SNX17: variants seen among roughly 807,000 people sequenced by gnomAD.
SNX17 encodes the protein sorting nexin-17.
SNX17 carries 35 observed loss-of-function variants against 64.3 expected under a neutral mutation model. The ratio of observed to expected loss-of-function variants is 0.54; its 90% CI spans 0.42 to 0.72. The LOEUF is 0.72. SNX17 is among the 30% of genes least tolerant of loss of function. The pLI, the probability that SNX17 is intolerant of heterozygous loss-of-function variation, is 0.00. For missense variants in SNX17, 538 were observed against 610.0 expected, an observed-to-expected ratio of 0.88 and a Z score of 1.24; for synonymous variants, 259 against 230.2, an observed-to-expected ratio of 1.13 and a Z score of -1.13.
At position 27,370,681 on chromosome 2, in the gene SNX17, G is replaced by C. The variant is rs909207502; in HGVS notation, c.-63G>C. ...GGGGACTCGCTGAGCAGCGGAGGGG[G>C]AGCGTGCAGAGCCGCTGCGGCCCTC... On this transcript the variant is annotated 5_prime_UTR_variant, in exon 1 of 15. Transcript: ENST00000233575. The C allele has an allele frequency of 2.7e-6, 4 of 1,496,394 alleles. No homozygotes were observed. The highest frequency in any genetic ancestry group is 9.0e-7 in the Non-Finnish European group (1 of 1,116,522). 92.7% of individuals were successfully genotyped at this position (1,496,394 alleles called of 1,614,324 possible). A position where few individuals can be genotyped will look rare whatever the true frequency, so the allele number is the denominator to read the frequency against.
At chr2:27,374,588 C>A in intron 7 of SNX17, 101 bp from the exon 8 acceptor site, 1 of 1,305,634 alleles carries the variant, frequency 7.7e-7, no homozygotes, top group Non-Finnish European at 1.1e-6. Flanking sequence ...CCATTAGCCC[C>A]TGATAGTTCC....
In SNX17 at chr2:27,375,597, T is replaced by C; in HGVS notation, c.866T>C (p.Val289Ala). 1 of 1,614,122 alleles carries C rather than the reference T, an allele frequency of 6.2e-7. No individual in the cohort carries two copies. Among genetic ancestry groups the C allele is most frequent in the Non-Finnish European group, 8.5e-7 (1 of 1,180,008 alleles). The stretch of plus-strand genomic sequence containing the variant: ...TTCCCAGAAAAGGACTGTCCTGTGG[T>C]GGTGAGCGCGGGCAACAGTGAGCTC... ...ADFPEKDCPV[V>A]VSAGNSELSL... Residue 289 changes from valine (V) to alanine (A), a missense_variant, in exon 10 of 15, where the codon GTG becomes GCG. Coordinates refer to ENST00000233575, the MANE Select transcript of SNX17 (RefSeq NM_014748.4). This position sits in a 1 kb window ranked among gnomAD's most constrained non-coding sequence, Gnocchi z 4.1.
chr2:27,372,927 T>C (rs1032027352), intron 3 of SNX17, 187 bp downstream of exon 3: 1 of 1,271,316 alleles, frequency 7.9e-7, no homozygotes, highest in Non-Finnish European at 1.1e-6. Context: ...GCAAAACAAT[T>C]TGGGCACTAA....
At chr2:27,370,854 CG>C (rs1192154715) in intron 1 of SNX17, 48 bp downstream of exon 1, 1 of 1,520,734 alleles carries the variant, frequency 6.6e-7, no homozygotes, top group African/African-American at 1.4e-5. Flanking sequence ...GCGGGGATAA[CG>C]GGCCCGAGCC....
chr2:27,374,274 A>C, intron 6 of SNX17, 72 bp from the exon 7 acceptor site: 4 of 1,499,776 alleles, frequency 2.7e-6, no homozygotes, highest in Non-Finnish European at 3.7e-6. Context: ...ACATTGCCTC[A>C]GGGCACTTCT....
chr2:27,370,956 A>ATG (rs1351357397), intron 1 of SNX17, 150 bp downstream of exon 1: 7 of 928,608 alleles, frequency 7.5e-6, no homozygotes, highest in Non-Finnish European at 9.4e-6. Context: ...AGCTTATCTC[A>ATG]TGTGTGTGAT....
chr2:27,375,892 G>C lies in SNX17; in HGVS notation c.1025G>C (p.Gly342Ala), dbSNP rs139268412. The C allele has an allele frequency of 3.0e-4, 479 of 1,614,188 alleles. 2 individuals carry two copies. The African/African-American group carries it at 5.4e-3, about 18-fold the overall frequency. Residue 342 changes from glycine to alanine, a missense_variant, in exon 11 of 15, where the codon GGT becomes GCT. Gly to Ala is a moderately conservative substitution (Grantham distance 60). Transcript: ENST00000233575. This position sits in a 1 kb window ranked among gnomAD's most constrained non-coding sequence, Gnocchi z 4.1. ...GSTSSPGRGR[G>A]EVRLELAFEY... ...ACGAGCAGCCCAGGCCGGGGCCGGG[G>C]TGAGGTGCGCCTGGAACTGGCTTTT... is the stretch of plus-strand genomic sequence containing the variant.
At chr2:27,372,495 CAGGG>C (rs1193203624) in intron 2 of SNX17, 124 bp from the exon 3 acceptor site, 38 of 1,314,036 alleles carry the variant, frequency 2.9e-5, no homozygotes, top group Non-Finnish European at 3.7e-5. Flanking sequence ...CTCAGATGAC[CAGGG>C]TAGACAGGGG....
rs186132405 is a variant in SNX17 at position 27,373,743 on chromosome 2, C to T, written c.322-118C>T. On this transcript the variant is annotated intron_variant, in intron 4 of 14. Transcript: ENST00000233575. ...TATTCTTATGAAATCAAAGAAATCA[C>T]AGCCTATATTTAAGCAGCTGAGAAT... is the stretch of plus-strand genomic sequence containing the variant. The T allele has an allele frequency of 1.5e-3, 1,017 of 688,568 alleles. 3 individuals are homozygous for T. The highest frequency in any genetic ancestry group is 2.2e-3 in the Non-Finnish European group (858 of 390,272). 42.7% of individuals were successfully genotyped at this position (688,568 alleles called of 1,614,324 possible). A position where few individuals can be genotyped will look rare whatever the true frequency, so the allele number is the denominator to read the frequency against.
Position 27,370,707 on chromosome 2 carries a change from A to ACAGTCCGGG in SNX17, c.-29_-28insGCAGTCCGG. The ACAGTCCGGG allele has an allele frequency of 6.5e-7, 1 of 1,527,592 alleles. No homozygotes were observed. Among genetic ancestry groups the ACAGTCCGGG allele is most frequent in the Admixed American group, 2.0e-5 (1 of 49,326 alleles). 94.6% of individuals were successfully genotyped at this position (1,527,592 alleles called of 1,614,324 possible). ...AGCGTGCAGAGCCGCTGCGGCCCTC[A>ACAGTCCGGG]CAGTCCGGAGCCCGGCCGTGCCGTG... On this transcript the variant is annotated 5_prime_UTR_variant, in exon 1 of 15. Coordinates refer to ENST00000233575, the MANE Select transcript of SNX17 (RefSeq NM_014748.4).
chr2:27,374,773 GCCTCAGAACCCTTC>G lies in SNX17; in HGVS notation c.681+18_681+31del. 2 of 1,612,592 alleles carry G rather than the reference GCCTCAGAACCCTTC, an allele frequency of 1.2e-6. No homozygotes were observed. Among genetic ancestry groups the G allele is most frequent in the Non-Finnish European group, 1.7e-6 (2 of 1,178,630 alleles). The stretch of plus-strand genomic sequence containing the variant: ...TTTATGCTCAGGTGAGCTTGGAGCT[GCCTCAGAACCCTTC>G]CCCTGAAGAAAATAACGGGTGACTC... On this transcript the variant is annotated intron_variant, in intron 8 of 14. Coordinates refer to ENST00000233575, the MANE Select transcript of SNX17 (RefSeq NM_014748.4).
chr2:27,375,383 C>T lies in SNX17; in HGVS notation c.775-123C>T, dbSNP rs900774164. The T allele has an allele frequency of 4.8e-5, 49 of 1,021,058 alleles. No individual in the cohort carries two copies. Among genetic ancestry groups the T allele is most frequent in the Non-Finnish European group, 7.2e-5 (49 of 680,280 alleles). The allele number at this position is 1,021,058 out of a possible 1,614,324, so 63.2% of individuals were successfully genotyped here. A position where few individuals can be genotyped will look rare whatever the true frequency, so the allele number is the denominator to read the frequency against. The stretch of plus-strand genomic sequence containing the variant: ...TTGAGCTCCTGACCTTGTGATCTGT[C>T]TGCCTCTGCCTCCTAAAGTGCTGGG... On this transcript the variant is annotated intron_variant, in intron 9 of 14. Transcript: ENST00000233575. The surrounding 1 kb of genome is among the most constrained non-coding windows in gnomAD (Gnocchi z 4.1).
intron 2 of SNX17, among the ~76,000 whole-genome samples, chr2:27,372,391 C>T (rs1682711730): frequency 6.6e-6 from 1 of 152,148 alleles, no homozygotes; most frequent in Non-Finnish European, 1.5e-5. Flanking sequence ...CCTCCCCGTA[C>T]TGTGGAGGGG....
Position 27,376,397 on chromosome 2 carries a change from A to G in SNX17, c.1257+10A>G. ...GTCCCCACCACTGCTTGTAAGTATT[A>G]CCTCCTGGTCAGAACCCTGGCTCTC... is the stretch of plus-strand genomic sequence containing the variant. On this transcript the variant is annotated intron_variant, in intron 13 of 14. Transcript: ENST00000233575. 6.2e-7 allele frequency: 1 copy of G among 1,613,560 alleles called. No homozygotes were observed. The highest frequency in any genetic ancestry group is 1.3e-5 in the African/African-American group (1 of 74,826).
Position 27,376,200 on chromosome 2 carries a change from G to A in SNX17, c.1182+17G>A, listed in dbSNP as rs1487652359. ...ATCAGGAAGGTAGGCAGCAAGTGTG[G>A]ACTGAGCAGTGAGCAGGTGTGCTCC... On this transcript the variant is annotated intron_variant, in intron 12 of 14. Coordinates refer to ENST00000233575, the MANE Select transcript of SNX17 (RefSeq NM_014748.4). The A allele has an allele frequency of 1.2e-6, 2 of 1,614,086 alleles. No individual in the cohort carries two copies. Among genetic ancestry groups the A allele is most frequent in the South Asian group, 1.1e-5 (1 of 91,078 alleles).
intron 4 of SNX17, 139 bp from the exon 5 acceptor site, chr2:27,373,722 C>A (rs913297732): frequency 1.5e-5 from 10 of 651,604 alleles, no homozygotes; most frequent in Admixed American, 2.6e-5. Context: ...AACTTCTATT[C>A]TTATGAAATC....
chr2:27,372,416 G>A (rs1347244638), intron 2 of SNX17, among the ~76,000 whole-genome samples: 1 of 152,206 alleles, frequency 6.6e-6, no homozygotes, highest in African/African-American at 2.4e-5. Flanking sequence ...CTTGTACACA[G>A]TAAAATAGAG....
At chr2:27,373,180 G>C (rs1682814409) in intron 3 of SNX17, 67 bp from the exon 4 acceptor site, 2 of 1,610,500 alleles carry the variant, frequency 1.2e-6, no homozygotes, top group Non-Finnish European at 1.7e-6. Flanking sequence ...GGAACCTACT[G>C]AGAGGAGGAC....
Position 27,375,770 on chromosome 2 carries a change from G to C in SNX17, c.978+61G>C, listed in dbSNP as rs1203750256. ...GGGGCCCGGCAAGCCTTGAGCTTAGGTATGGGCTGCAGCGGGTCAGGGAGC... is the reference window on the plus strand; with the variant it reads ...GGGGCCCGGCAAGCCTTGAGCTTAGCTATGGGCTGCAGCGGGTCAGGGAGC... On this transcript the variant is annotated intron_variant, in intron 10 of 14. Coordinates refer to ENST00000233575, the MANE Select transcript of SNX17 (RefSeq NM_014748.4). The surrounding 1 kb of genome is among the most constrained non-coding windows in gnomAD (Gnocchi z 4.1). 5.6e-6 allele frequency: 9 copies of C among 1,610,884 alleles called. No homozygotes were observed. Among genetic ancestry groups the C allele is most frequent in the Non-Finnish European group, 7.6e-6 (9 of 1,178,522 alleles).
Sources: gnomAD v4.1 joint callset for allele counts (sites outside exome capture counted in the v4.1 genomes callset) on GRCh38, gnomAD v4.1.1 for gene constraint, Gnocchi (gnomAD v3.1) non-coding constraint, MANE v1.5 for transcripts, NCBI Gene and HGNC (gene_info 2026-07-23, HGNC 2026-07-21) for gene names.